The following TADA2A variants were observed in gnomAD, a reference collection of about 807,000 sequenced individuals.
The protein encoded by TADA2A is transcriptional adaptor 2A, also known as transcriptional adapter 2-alpha.
Under a neutral mutation model 67.4 loss-of-function variants are expected in TADA2A, and 38 were observed. That is an observed-to-expected ratio of 0.56 (90% confidence interval 0.44 to 0.74). The LOEUF (loss-of-function observed/expected upper bound fraction) is 0.74. Ranked by LOEUF, TADA2A falls within the 30% of genes least tolerant of loss-of-function variation. The probability of loss-of-function intolerance (pLI) is 0.00; values close to 1 mark genes in which losing one functional copy is unlikely to be tolerated. For synonymous variants in TADA2A, 192 were observed against 181.6 expected, an observed-to-expected ratio of 1.06 and a Z score of -0.46; for missense variants, 454 against 547.0, an observed-to-expected ratio of 0.83 and a Z score of 1.70.
intron 2 of TADA2A, among the ~76,000 whole-genome samples, chr17:37,414,566 G>T (rs1006227307): frequency 6.6e-6 from 1 of 152,088 alleles, no homozygotes; most frequent in African/African-American, 2.4e-5. Flanking sequence ...GGAAATATAT[G>T]CATGTTATGT....
At chr17:37,463,108 T>G (rs752425323) in intron 10 of TADA2A, among the ~76,000 whole-genome samples, 2 of 151,936 alleles carry the variant, frequency 1.3e-5, no homozygotes, top group Non-Finnish European at 2.9e-5. Flanking sequence ...TATTACAGGC[T>G]CGAGCTATCG....
chr17:37,440,402 A>G (rs1264575282), intron 5 of TADA2A, 103 bp from the exon 6 acceptor site: 9 of 1,304,516 alleles, frequency 6.9e-6, no homozygotes, highest in Admixed American at 5.0e-5. Flanking sequence ...ATATGAGAGT[A>G]TATTATATGG....
At chr17:37,435,145 A>G (rs2052683895) in intron 4 of TADA2A, among the ~76,000 whole-genome samples, 1 of 152,188 alleles carries the variant, frequency 6.6e-6, no homozygotes, top group South Asian at 2.1e-4. Context: ...ACTCATTGCT[A>G]CTGGGTTGGT....
chr17:37,422,796 C>T (rs1597858471), intron 2 of TADA2A, among the ~76,000 whole-genome samples: 2 of 152,080 alleles, frequency 1.3e-5, no homozygotes, highest in South Asian at 2.1e-4. Context: ...CTAATGTGGC[C>T]GGCCTACAGT....
intron 3 of TADA2A, among the ~76,000 whole-genome samples, chr17:37,426,069 G>A (rs1392015532): frequency 6.6e-6 from 1 of 151,888 alleles, no homozygotes; most frequent in Non-Finnish European, 1.5e-5. Context: ...CGACCTCCTG[G>A]GCTCAATGAT....
chr17:37,423,427 T>G, intron 2 of TADA2A, 82 bp from the exon 3 acceptor site: 2 of 1,050,268 alleles, frequency 1.9e-6, no homozygotes, highest in Admixed American at 2.4e-5. Context: ...ACTTGTGTGG[T>G]CATTTGGGGA....
intron 4 of TADA2A, chr17:37,436,374 T>A (rs2052726410): frequency 1.3e-5 from 2 of 152,174 alleles, no homozygotes; most frequent in African/African-American, 4.8e-5. Context: ...TTATTTTTAT[T>A]TTTTGAGACG....
At position 37,471,102 on chromosome 17, in the gene TADA2A, G is replaced by A; in HGVS notation, c.1037G>A (p.Gly346Asp). Residue 346 changes from glycine (G) to aspartate (D), a missense_variant, in exon 14 of 16, where the codon GGC becomes GAC. Around this residue, in one of 2 missense-constraint regions of TADA2A, gnomAD observed 403 missense variants for 455.5 expected, o/e 0.88. Coordinates refer to ENST00000615182, the MANE Select transcript of TADA2A (RefSeq NM_001166105.3). The stretch of plus-strand genomic sequence containing the variant: ...CCTCTTCTTCGTTGTAGTGATTCCG[G>A]CCTGAGTCCTTCCATTCCAATGGCT... ...WLRRQADIDS[G>D]LSPSIPMASN... 3 of 1,614,118 alleles carry A rather than the reference G, an allele frequency of 1.9e-6. No individual in the cohort carries two copies. The highest frequency in any genetic ancestry group is 2.5e-6 in the Non-Finnish European group (3 of 1,180,016).
At chr17:37,473,085 G>A (rs930135256) in intron 14 of TADA2A, among the ~76,000 whole-genome samples, 4 of 149,928 alleles carry the variant, frequency 2.7e-5, no homozygotes, top group African/African-American at 9.8e-5. Context: ...TTCAGCTCCT[G>A]AGTGGCTGGG....
intron 4 of TADA2A, among the ~76,000 whole-genome samples, chr17:37,437,371 G>A (rs933868200): frequency 1.3e-5 from 2 of 151,740 alleles, no homozygotes; most frequent in South Asian, 2.1e-4. Context: ...GATTACAGGC[G>A]TGAGCCACTG....
chr17:37,444,479 T>G (rs1220832973), intron 7 of TADA2A, among the ~76,000 whole-genome samples: 1 of 152,148 alleles, frequency 6.6e-6, no homozygotes, highest in Non-Finnish European at 1.5e-5. Context: ...TCATAACTAT[T>G]CCAATTTTTT....
At chr17:37,435,158 T>C (rs2052684562) in intron 4 of TADA2A, among the ~76,000 whole-genome samples, 1 of 152,206 alleles carries the variant, frequency 6.6e-6, no homozygotes, top group Admixed American at 6.5e-5. Flanking sequence ...GGGTTGGTCA[T>C]TTTTCCTGGA....
Position 37,442,555 on chromosome 17 carries a change from T to C in TADA2A, c.443-9T>C. ...TTAGTTAACTCAGAAACCTTCTAAA[T>C]TCTTCCAGCTACAGATGACCCTCCC... is the stretch of plus-strand genomic sequence containing the variant. On this transcript the variant is annotated splice_polypyrimidine_tract_variant and intron_variant, in intron 6 of 15. Transcript: ENST00000615182. 6.2e-7 allele frequency: 1 copy of C among 1,612,914 alleles called. No individual in the cohort carries two copies. The highest frequency in any genetic ancestry group is 8.5e-7 in the Non-Finnish European group (1 of 1,179,150).
chr17:37,441,424 G>T (rs1027579508), intron 6 of TADA2A, among the ~76,000 whole-genome samples: 7 of 152,202 alleles, frequency 4.6e-5, no homozygotes, highest in South Asian at 2.1e-4. Flanking sequence ...GAATCAGTTT[G>T]TTATTTTTGT....
intron 1 of TADA2A, among the ~76,000 whole-genome samples, chr17:37,410,243 G>A (rs935483889): frequency 1.3e-5 from 2 of 151,706 alleles, no homozygotes; most frequent in African/African-American, 2.4e-5. Context: ...GGAGTGCAGT[G>A]GTGGCTCACT....
At chr17:37,444,813 G>A in intron 8 of TADA2A, 45 bp downstream of exon 8, 1 of 1,537,860 alleles carries the variant, frequency 6.5e-7, no homozygotes. Flanking sequence ...CCAACTGTGT[G>A]ATGACACTGT....
intron 8 of TADA2A, among the ~76,000 whole-genome samples, chr17:37,456,898 A>G (rs1009438420): frequency 1.3e-5 from 2 of 152,120 alleles, no homozygotes; most frequent in African/African-American, 4.8e-5. Context: ...AACTTTTACT[A>G]TTTACAGCCT....
At chr17:37,450,421 G>T (rs958014324) in intron 8 of TADA2A, 1 of 152,232 alleles carries the variant, frequency 6.6e-6, no homozygotes, top group African/African-American at 2.4e-5. Context: ...CAAGCAAGCA[G>T]TAAGTGCCTT....
At chr17:37,471,331 G>A (rs1450619511) in intron 14 of TADA2A, among the ~76,000 whole-genome samples, 194 bp downstream of exon 14, 1 of 152,130 alleles carries the variant, frequency 6.6e-6, no homozygotes, top group Non-Finnish European at 1.5e-5. Context: ...TATCCTCAGA[G>A]TGACAGTATA....
Sources: gnomAD v4.1 joint callset for allele counts (sites outside exome capture counted in the v4.1 genomes callset) on GRCh38, gnomAD v4.1.1 for gene constraint, gnomAD v4.1.1 regional missense constraint, MANE v1.5 for transcripts, NCBI Gene and HGNC (gene_info 2026-07-23, HGNC 2026-07-21) for gene names.